Variants in POTEC observed in about 807,000 individuals in gnomAD.
POTEC encodes POTE ankyrin domain family member C, also known as ANKRD26-like family B member 2.
POTEC carries 35 observed loss-of-function variants against 62.0 expected under a neutral mutation model. The ratio of observed to expected loss-of-function variants is 0.56; its 90% CI spans 0.43 to 0.75. The LOEUF (loss-of-function observed/expected upper bound fraction) is 0.75, where lower values mean the gene tolerates loss of function less well. Ranked by LOEUF, POTEC falls within the 30% of genes least tolerant of loss-of-function variation. The pLI is 0.00. For synonymous variants in POTEC, 156 were observed against 221.5 expected (o/e 0.70, Z 2.62); for missense variants, 472 against 655.9 (o/e 0.72, Z 3.06).
intron 6 of POTEC, among the ~76,000 whole-genome samples, 160 bp downstream of exon 6, chr18:14,530,323 A>AATAT (rs1905464179): frequency 6.6e-6 from 1 of 152,100 alleles, no homozygotes; most frequent in Non-Finnish European, 1.5e-5. Flanking sequence ...ATGTAATAAT[A>AATAT]ATATAAAGTA....
At chr18:14,517,598 A>G (rs2143117598) in intron 9 of POTEC, among the ~76,000 whole-genome samples, 1 of 151,834 alleles carries the variant, frequency 6.6e-6, no homozygotes, top group East Asian at 1.9e-4. Context: ...GCAGTGGCTC[A>G]TGCCTGTAAT....
At chr18:14,512,786 C>G (rs1430538130) in intron 10 of POTEC, among the ~76,000 whole-genome samples, 1 of 152,186 alleles carries the variant, frequency 6.6e-6, no homozygotes, top group Non-Finnish European at 1.5e-5. Flanking sequence ...CACACACACA[C>G]ACACACACAC....
Position 14,521,520 on chromosome 18 carries a change from T to C in POTEC, c.1409+734A>G, listed in dbSNP as rs147601191. ...GATCCATCTTTTTATATAATAATGC[T>C]GTAAGGAATGTCCTTACACATAAGT... On this transcript the variant is annotated intron_variant, in intron 9 of 10. Transcript: ENST00000358970. 8.5e-3 allele frequency among the ~76,000 whole-genome samples: 1,291 copies of C among 152,292 alleles called. 23 individuals carry two copies. The highest frequency in any genetic ancestry group is 0.03 in the African/African-American group (1,238 of 41,564).
Position 14,543,028 on chromosome 18 carries a change from T to C in POTEC, c.119A>G (p.Lys40Arg), listed in dbSNP as rs1486514302. The C allele has an allele frequency of 3.1e-6, 5 of 1,605,272 alleles. No homozygotes were observed. Among genetic ancestry groups the C allele is most frequent in the South Asian group, 2.2e-5 (2 of 90,530 alleles). ...GTCTCCAGAAGTGCCCATGTTGCTC[T>C]TGCCGCTCCCCTTGCAGCAGGGGAA... ...HRFPCCKGSG[K>R]SNMGTSGDHD... is the part of the protein sequence containing the mutation. Residue 40 changes from lysine (K) to arginine (R), a missense_variant, in exon 1 of 11, where the codon AAG becomes AGG. This residue lies in a region of POTEC where 257 missense variants were observed against 250.7 expected (regional missense o/e 1.03). Coordinates refer to ENST00000358970, the MANE Select transcript of POTEC (RefSeq NM_001137671.2).
intron 8 of POTEC, among the ~76,000 whole-genome samples, 190 bp from the exon 9 acceptor site, chr18:14,522,610 T>C (rs1291184313): frequency 1.3e-5 from 2 of 152,204 alleles, no homozygotes; most frequent in Non-Finnish European, 2.9e-5. Context: ...GTCATTAGTA[T>C]ATCATTGAAA....
At chr18:14,519,308 T>C (rs1309235666) in intron 9 of POTEC, among the ~76,000 whole-genome samples, 2 of 152,060 alleles carry the variant, frequency 1.3e-5, no homozygotes, top group Non-Finnish European at 2.9e-5. Flanking sequence ...TGATACCCAA[T>C]AACTAACCAA....
At chr18:14,538,989 G>C (rs1360344921) in intron 1 of POTEC, among the ~76,000 whole-genome samples, 7 of 152,148 alleles carry the variant, frequency 4.6e-5, no homozygotes, top group Non-Finnish European at 8.8e-5. Context: ...CAGATGACTA[G>C]CATTTAGATA....
Position 14,522,350 on chromosome 18 carries a change from C to A in POTEC, c.1313G>T (p.Ser438Ile). 2.5e-6 allele frequency: 4 copies of A among 1,598,958 alleles called. No homozygotes were observed. The highest frequency in any genetic ancestry group is 3.4e-6 in the Non-Finnish European group (4 of 1,173,526). The change falls in exon 9 of 11, where the codon AGT (serine) becomes ATT (isoleucine). Residue 438 changes from serine (S) to isoleucine (I), a missense_variant. Ser to Ile is a moderately radical substitution (Grantham distance 142). This residue lies in a region of POTEC where 83 missense variants were observed against 254.3 expected (regional missense o/e 0.33). Transcript: ENST00000358970. ...TAATCCATCATCACCATTGCCAGCA[C>A]TGGCACCATTAGTCAGGTTTTCTGG... ...GLPENLTNGA[S>I]AGNGDDGLIP...
chr18:14,537,663 T>A, intron 3 of POTEC, 138 bp downstream of exon 3: 1 of 1,064,266 alleles, frequency 9.4e-7, no homozygotes, highest in Non-Finnish European at 1.3e-6. Context: ...AATAAAGTCT[T>A]AGATAATTAA....
At chr18:14,526,526 C>A (rs1299244903) in intron 6 of POTEC, among the ~76,000 whole-genome samples, 1 of 152,018 alleles carries the variant, frequency 6.6e-6, no homozygotes, top group East Asian at 1.9e-4. Context: ...TTTTCTAGAA[C>A]ACCTGCCCAA....
chr18:14,511,858 A>G lies in POTEC; in HGVS notation c.*40T>C. 4 of 1,597,718 alleles carry G rather than the reference A, an allele frequency of 2.5e-6. No individual in the cohort carries two copies. ...TTTCACACTTTCAATTTCCTCCAAA[A>G]TTTTATTTTCCCTTAGCTGGTTCTG... On this transcript the variant is annotated 3_prime_UTR_variant, in exon 11 of 11. Coordinates refer to ENST00000358970, the MANE Select transcript of POTEC (RefSeq NM_001137671.2).
chr18:14,515,301 A>G (rs1387683055), intron 9 of POTEC, among the ~76,000 whole-genome samples: 1 of 152,214 alleles, frequency 6.6e-6, no homozygotes, highest in Non-Finnish European at 1.5e-5. Context: ...ACTTCAAATT[A>G]TACTCTAAGG....
At chr18:14,535,044 C>A (rs770776390) in intron 3 of POTEC, 37 bp from the exon 4 acceptor site, 8 of 1,590,580 alleles carry the variant, frequency 5.0e-6, no homozygotes, top group Non-Finnish European at 6.8e-6. Context: ...ATATGTAATT[C>A]AAAAAATTAT....
chr18:14,523,305 A>G (rs1194949961), intron 8 of POTEC, among the ~76,000 whole-genome samples, 158 bp downstream of exon 8: 1 of 150,584 alleles, frequency 6.6e-6, no homozygotes, highest in Non-Finnish European at 1.5e-5. Context: ...TTGAAAACTC[A>G]ATGTACAGAA....
Position 14,511,800 on chromosome 18 carries a change from T to A in POTEC, c.*98A>T. 1 of 1,249,750 alleles carries A rather than the reference T, an allele frequency of 8.0e-7. No homozygotes were observed. Among genetic ancestry groups the A allele is most frequent in the Non-Finnish European group, 1.2e-6 (1 of 857,910 alleles). 77.4% of individuals were successfully genotyped at this position (1,249,750 alleles called of 1,614,324 possible). Reference sequence around the variant, plus strand: ...TTTTCGTTAATGCTTCTTCATTCAATTGCATAGCCCTTAGAAGTTTATCAG... The same window carrying A: ...TTTTCGTTAATGCTTCTTCATTCAAATGCATAGCCCTTAGAAGTTTATCAG... On this transcript the variant is annotated 3_prime_UTR_variant, in exon 11 of 11. Transcript: ENST00000358970.
rs1328526061 is a variant in POTEC, at chr18:14,507,597, T to G, written c.*4301A>C. The G allele has an allele frequency of 3.9e-5, 6 of 152,124 alleles. No homozygotes were observed. Among genetic ancestry groups the G allele is most frequent in the African/African-American group, 1.2e-4 (5 of 41,424 alleles). 9.4% of individuals were successfully genotyped at this position (152,124 alleles called of 1,614,324 possible). On this transcript the variant is annotated 3_prime_UTR_variant, in exon 11 of 11. Transcript: ENST00000358970. Reference sequence around the variant, plus strand: ...TTTCCATTTAAGGTTAGTAATGGTATGTGTGGATTTGATCCTGTCATCATG... The same window carrying G: ...TTTCCATTTAAGGTTAGTAATGGTAGGTGTGGATTTGATCCTGTCATCATG...
intron 6 of POTEC, chr18:14,529,151 T>G (rs1372386548): frequency 2.9e-6 from 1 of 346,976 alleles, no homozygotes; most frequent in Non-Finnish European, 5.6e-6. Context: ...TAATATATAA[T>G]AAATCATTAT....
At position 14,510,771 on chromosome 18, in the gene POTEC, TG is replaced by T. The variant is rs1909984035; in HGVS notation, c.*1126del. 6.6e-6 allele frequency: 1 copy of T among 152,040 alleles called. No individual in the cohort carries two copies. The highest frequency in any genetic ancestry group is 2.4e-5 in the African/African-American group (1 of 41,380). The allele number at this position is 152,040 out of a possible 1,614,324, so 9.4% of individuals were successfully genotyped here. ...TAAAAAAGAAGTCTGGCCACGTTTT[TG>T]TAGAGTGGCTATGCTGTGTGGGGGG... On this transcript the variant is annotated 3_prime_UTR_variant, in exon 11 of 11. Coordinates refer to ENST00000358970, the MANE Select transcript of POTEC (RefSeq NM_001137671.2).
Position 14,530,682 on chromosome 18 carries a change from A to G in POTEC, c.1056-129T>C. On this transcript the variant is annotated intron_variant, in intron 5 of 10. Transcript: ENST00000358970. ...TCAGAATTTAACAGTATTATCCCATACACTTATGAGTACATTCTACAAACT... is the reference window on the plus strand; with the variant it reads ...TCAGAATTTAACAGTATTATCCCATGCACTTATGAGTACATTCTACAAACT... 8.6e-6 allele frequency: 8 copies of G among 926,134 alleles called. No homozygotes were observed. The South Asian group carries it at 1.5e-4, about 17-fold the overall frequency. 57.4% of individuals were successfully genotyped at this position (926,134 alleles called of 1,614,324 possible).
Sources: allele counts gnomAD v4.1 joint callset (sites outside exome capture counted in the v4.1 genomes callset), GRCh38; gene constraint gnomAD v4.1.1; regional missense constraint gnomAD v4.1.1; transcripts MANE v1.5; gene names NCBI Gene and HGNC (gene_info 2026-07-23, HGNC 2026-07-21).